LSAMP: variants seen among roughly 807,000 people sequenced by gnomAD.
LSAMP encodes limbic system-associated membrane protein.
A neutral mutation model predicts 38.6 loss-of-function variants in LSAMP; 7 were observed. The ratio of observed to expected loss-of-function variants is 0.18; its 90% CI spans 0.10 to 0.34. The LOEUF (loss-of-function observed/expected upper bound fraction) is 0.34, where lower values mean the gene tolerates loss of function less well. LSAMP is among the 10% of genes least tolerant of loss of function. The pLI is 1.00. For missense variants in LSAMP, 313 were observed against 420.0 expected (o/e 0.75, Z 2.23); for synonymous variants, 154 against 166.8 (o/e 0.92, Z 0.59).
chr3:116,400,420 T>TTCCCTCCCTCCC (rs10662942), intron 1 of LSAMP, among the ~76,000 whole-genome samples: 1 of 141,232 alleles, frequency 7.1e-6, no homozygotes, highest in African/African-American at 2.8e-5. Flanking sequence ...CTTTCCCTCC[T>TTCCCTCCCTCCC]TCCCTCCCTC....
At chr3:116,279,088 T>C (rs2047093111) in intron 1 of LSAMP, among the ~76,000 whole-genome samples, 1 of 152,210 alleles carries the variant, frequency 6.6e-6, no homozygotes, top group African/African-American at 2.4e-5. Context: ...AATTTGGACA[T>C]GAATCACAGG....
intron 1 of LSAMP, among the ~76,000 whole-genome samples, chr3:116,113,100 CAGTG>C (rs1708653713): frequency 6.6e-6 from 1 of 151,776 alleles, no homozygotes; most frequent in African/African-American, 2.4e-5. Context: ...CTGTGAGAAA[CAGTG>C]AGAAGTGAAG....
intron 1 of LSAMP, among the ~76,000 whole-genome samples, chr3:116,341,502 T>C (rs2107753624): frequency 6.6e-6 from 1 of 152,098 alleles, no homozygotes; most frequent in South Asian, 2.1e-4. Context: ...CCAGAGAGGA[T>C]AGTAATATGA....
chr3:116,149,297 T>G (rs1216755688), intron 1 of LSAMP, among the ~76,000 whole-genome samples: 1 of 151,262 alleles, frequency 6.6e-6, no homozygotes, highest in Non-Finnish European at 1.5e-5. Context: ...AGAGTAGGAG[T>G]GGAGGGTGTG....
At chr3:116,133,249 TC>T (rs1709174256) in intron 1 of LSAMP, among the ~76,000 whole-genome samples, 2 of 151,984 alleles carry the variant, frequency 1.3e-5, no homozygotes, top group South Asian at 2.1e-4. Context: ...TACTTTTTTT[TC>T]CTTTTTTTTT....
Position 115,905,933 on chromosome 3 carries a change from G to A in LSAMP, c.515-53316C>T, listed in dbSNP as rs1576205275. Among the ~76,000 whole-genome samples, 6 of 152,082 alleles carry A rather than the reference G, an allele frequency of 3.9e-5. No individual in the cohort carries two copies. In the South Asian group the frequency reaches 1.2e-3, roughly 32 times the overall value. On this transcript the variant is annotated intron_variant, in intron 3 of 6. Transcript: ENST00000490035. ...TTTTTGGAGACTGCTGAAGAAGTGGGATGAGGCTAGGGGACACTACAATGC... is the reference window on the plus strand; with the variant it reads ...TTTTTGGAGACTGCTGAAGAAGTGGAATGAGGCTAGGGGACACTACAATGC...
At chr3:115,858,048 G>A (rs1277733562) in intron 3 of LSAMP, among the ~76,000 whole-genome samples, 1 of 152,030 alleles carries the variant, frequency 6.6e-6, no homozygotes, top group African/African-American at 2.4e-5. Context: ...GTAAAAAGGA[G>A]CCATTTGAAA....
intron 3 of LSAMP, among the ~76,000 whole-genome samples, chr3:116,016,019 T>G (rs2107682217): frequency 6.6e-6 from 1 of 152,186 alleles, no homozygotes; most frequent in Non-Finnish European, 1.5e-5. Context: ...TAACCATTTT[T>G]TTTTTTCCTT....
At chr3:116,329,680 G>T (rs987784668) in intron 1 of LSAMP, among the ~76,000 whole-genome samples, 3 of 151,930 alleles carry the variant, frequency 2.0e-5, no homozygotes, top group Non-Finnish European at 4.4e-5. Context: ...TTCGGAGGGG[G>T]ACTTTATGAT....
chr3:116,019,762 T>A, intron 2 of LSAMP, 122 bp from the exon 3 acceptor site: 1 of 1,095,336 alleles, frequency 9.1e-7, no homozygotes, highest in Non-Finnish European at 1.3e-6. Flanking sequence ...TGTTAAGAAG[T>A]AGGATGCTTT....
intron 1 of LSAMP, among the ~76,000 whole-genome samples, chr3:116,220,646 G>A (rs1159554846): frequency 6.6e-6 from 1 of 152,136 alleles, no homozygotes; most frequent in Non-Finnish European, 1.5e-5. Context: ...CAATCATTAC[G>A]GATTCTCGAG....
At chr3:116,017,433 T>C (rs958745867) in intron 3 of LSAMP, among the ~76,000 whole-genome samples, 1 of 152,098 alleles carries the variant, frequency 6.6e-6, no homozygotes, top group Non-Finnish European at 1.5e-5. Context: ...ATAAATAGTA[T>C]ATTTACATAG....
intron 3 of LSAMP, among the ~76,000 whole-genome samples, chr3:116,004,737 C>T (rs1162633850): frequency 6.6e-6 from 1 of 151,942 alleles, no homozygotes; most frequent in Non-Finnish European, 1.5e-5. Flanking sequence ...AATAGGGAAA[C>T]AAATGAATAT....
At chr3:115,968,319 G>A (rs927632004) in intron 3 of LSAMP, among the ~76,000 whole-genome samples, 1 of 152,000 alleles carries the variant, frequency 6.6e-6, no homozygotes, top group Admixed American at 6.6e-5. Context: ...AAGTGAGCTC[G>A]CCTGTGAGTC....
chr3:115,834,973 G>C (rs182818945), intron 6 of LSAMP, among the ~76,000 whole-genome samples: 1 of 152,082 alleles, frequency 6.6e-6, no homozygotes, highest in East Asian at 1.9e-4. Context: ...CTTGGTTCTC[G>C]TCTCTTTAGC....
intron 1 of LSAMP, among the ~76,000 whole-genome samples, chr3:116,194,685 C>T (rs772623659): frequency 1.3e-5 from 2 of 152,190 alleles, no homozygotes; most frequent in Non-Finnish European, 2.9e-5. Flanking sequence ...CGTGAGCCTC[C>T]GTACCCGGCC....
chr3:116,398,656 A>C (rs186724701), intron 1 of LSAMP, among the ~76,000 whole-genome samples: 1 of 152,230 alleles, frequency 6.6e-6, no homozygotes, highest in African/African-American at 2.4e-5. Flanking sequence ...AGGAATATTC[A>C]GCTTCTAATT....
chr3:116,055,594 C>T (rs1192139408), intron 2 of LSAMP, among the ~76,000 whole-genome samples: 2 of 152,174 alleles, frequency 1.3e-5, no homozygotes, highest in African/African-American at 4.8e-5. Context: ...ATGCCCTCTA[C>T]TCACAAGTAA....
chr3:116,056,950 A>T (rs1941500635), intron 2 of LSAMP, among the ~76,000 whole-genome samples: 1 of 152,302 alleles, frequency 6.6e-6, no homozygotes, highest in South Asian at 2.1e-4. Context: ...CACAAAAAAA[A>T]TGGCCTGGTG....
Sources: gnomAD v4.1 joint callset for allele counts (sites outside exome capture counted in the v4.1 genomes callset) on GRCh38, gnomAD v4.1.1 for gene constraint, MANE v1.5 for transcripts, NCBI Gene and HGNC (gene_info 2026-07-23, HGNC 2026-07-21) for gene names.